Variants in PRDM10 observed in about 807,000 individuals in gnomAD.
The protein encoded by PRDM10 is PR domain zinc finger protein 10.
In PRDM10, 65 loss-of-function variants were observed where a neutral mutation model predicts 133.1. The observed-to-expected ratio is 0.49, with a 90% CI of 0.40 to 0.60. The LOEUF is 0.60. Among genes scored for constraint, PRDM10 ranks in the 20% least tolerant of loss-of-function variants. PRDM10 has a pLI of 0.00. For synonymous variants in PRDM10, 582 were observed against 580.4 expected (o/e 1.00, Z -0.04); for missense variants, 1,137 against 1,507.1 (o/e 0.75, Z 4.07).
chr11:129,953,119 A>C (rs1951620385), intron 4 of PRDM10, among the ~76,000 whole-genome samples: 1 of 151,800 alleles, frequency 6.6e-6, no homozygotes, highest in African/African-American at 2.4e-5. Flanking sequence ...CTAGGATTAC[A>C]GGTGCCCACC....
At chr11:129,946,269 C>A (rs919386370) in intron 5 of PRDM10, among the ~76,000 whole-genome samples, 4 of 151,382 alleles carry the variant, frequency 2.6e-5, no homozygotes, top group African/African-American at 9.7e-5. Flanking sequence ...GAAAAAAAAA[C>A]AAAAACAAAC....
chr11:129,925,360 A>C (rs1027217894), intron 11 of PRDM10, 131 bp from the exon 12 acceptor site: 14 of 847,772 alleles, frequency 1.7e-5, no homozygotes, highest in Non-Finnish European at 2.3e-5. Context: ...TCTAGGACAC[A>C]CACAGTTGAA....
At chr11:129,936,657 A>AC (rs1951042734) in intron 8 of PRDM10, among the ~76,000 whole-genome samples, 1 of 152,132 alleles carries the variant, frequency 6.6e-6, no homozygotes, top group Admixed American at 6.5e-5. Context: ...CATTTCAAAA[A>AC]AAAAAAAGAA....
chr11:129,920,301 C>T (rs1031784090), intron 13 of PRDM10, among the ~76,000 whole-genome samples: 13 of 152,280 alleles, frequency 8.5e-5, no homozygotes, highest in African/African-American at 2.9e-4. Flanking sequence ...ATCCCCCAAA[C>T]CAAATCCGCT....
At chr11:129,910,739 CAG>C (rs1950163913) in intron 18 of PRDM10, 83 bp from the exon 19 acceptor site, 1 of 1,209,952 alleles carries the variant, frequency 8.3e-7, no homozygotes, top group Non-Finnish European at 1.1e-6. Context: ...GGAAGTACAC[CAG>C]ACTCATATGA....
At chr11:129,949,820 G>A (rs1282828677) in intron 4 of PRDM10, among the ~76,000 whole-genome samples, 2 of 151,950 alleles carry the variant, frequency 1.3e-5, no homozygotes, top group Admixed American at 1.3e-4. Flanking sequence ...TGTAATCCCA[G>A]CTACTCGGGA....
intron 4 of PRDM10, among the ~76,000 whole-genome samples, chr11:129,951,033 T>C (rs1951568501): frequency 6.6e-6 from 1 of 152,220 alleles, no homozygotes; most frequent in Admixed American, 6.5e-5. Flanking sequence ...GGAGTTTGGA[T>C]ATTTACCAGA....
intron 11 of PRDM10, among the ~76,000 whole-genome samples, chr11:129,927,136 C>T (rs1264521481): frequency 6.5e-5 from 8 of 123,270 alleles, no homozygotes; most frequent in African/African-American, 9.0e-5. Flanking sequence ...AGGAGAATCG[C>T]TTGAACCTGG....
At chr11:129,928,901 A>C (rs1290058289) in intron 11 of PRDM10, among the ~76,000 whole-genome samples, 2 of 152,130 alleles carry the variant, frequency 1.3e-5, no homozygotes, top group East Asian at 1.9e-4. Context: ...TCATTCTCTG[A>C]AACAGTCTAC....
intron 1 of PRDM10, among the ~76,000 whole-genome samples, chr11:129,963,386 G>A (rs61913717): frequency 0.13 from 11,886 of 92,768 alleles, 1,406 homozygotes; most frequent in African/African-American, 0.34. Context: ...AAAAAAGAGA[G>A]AAGAGAAGAG....
intron 18 of PRDM10, among the ~76,000 whole-genome samples, chr11:129,911,341 C>T (rs1950181484): frequency 6.6e-6 from 1 of 152,166 alleles, no homozygotes; most frequent in Non-Finnish European, 1.5e-5. Flanking sequence ...CAAAGTTCAT[C>T]GTTTCCATTC....
chr11:129,938,505 T>C (rs558267232), intron 7 of PRDM10, among the ~76,000 whole-genome samples: 1 of 152,238 alleles, frequency 6.6e-6, no homozygotes, highest in African/African-American at 2.4e-5. Flanking sequence ...CTCCCTCGAT[T>C]GTTCTCCATC....
intron 1 of PRDM10, among the ~76,000 whole-genome samples, chr11:129,991,843 C>T (rs979668445): frequency 5.9e-4 from 88 of 149,956 alleles, no homozygotes; most frequent in Non-Finnish European, 5.9e-4. Flanking sequence ...AAGTAACCGG[C>T]CTGGTGGCGG....
chr11:129,996,766 C>T (rs1277709204), intron 1 of PRDM10, among the ~76,000 whole-genome samples: 1 of 152,086 alleles, frequency 6.6e-6, no homozygotes, highest in Non-Finnish European at 1.5e-5. Context: ...ACCGAAGTGG[C>T]GGTTCCAAAA....
In PRDM10 at chr11:129,947,332, G is replaced by T. The variant is rs754839609; in HGVS notation, c.333C>A (p.Ile111=). The change falls in exon 5 of 21, where the codon ATC becomes ATA. Residue 111 remains isoleucine, a synonymous_variant. Transcript: ENST00000360871. This position sits in a 1 kb window ranked among gnomAD's most constrained non-coding sequence, Gnocchi z 4.6. ...AAGGGTCGGACCCATCTACACTCTC[G>T]ATGGAAGGCAGCACCTGGTTATGAA... ...LPVHNQVLPS[I]ESVDGSDPLA... 9 of 1,614,182 alleles carry T rather than the reference G, an allele frequency of 5.6e-6. No individual in the cohort carries two copies. The East Asian group carries it at 2.0e-4, about 36-fold the overall frequency.
At position 129,917,258 on chromosome 11, in the gene PRDM10, C is replaced by G. The variant is rs1188507060; in HGVS notation, c.2215-21G>C. 4 of 1,568,576 alleles carry G rather than the reference C, an allele frequency of 2.6e-6. No homozygotes were observed. The African/African-American group carries it at 4.1e-5, about 16-fold the overall frequency. ...TTTACCTAAAGGGAAAAGAAAGAAC[C>G]AATGAGAAAAAGAGACCCCATTAAC... On this transcript the variant is annotated intron_variant, in intron 14 of 20. Transcript: ENST00000360871.
rs1950585949 is a variant in PRDM10 at position 129,923,672 on chromosome 11, G to GAGAGAA, written c.1879-270_1879-269insTTCTCT. 6.6e-6 allele frequency among the ~76,000 whole-genome samples: 1 copy of GAGAGAA among 151,198 alleles called. No homozygotes were observed. On this transcript the variant is annotated intron_variant, in intron 12 of 20. Coordinates refer to ENST00000360871, the MANE Select transcript of PRDM10 (RefSeq NM_199437.2). This position sits in a 1 kb window ranked among gnomAD's most constrained non-coding sequence, Gnocchi z 4.4. ...AGAGAGAGAGAGAGAGAGAGAGAGA[G>GAGAGAA]AGAGAGAGAGAGAGAGAGAGAGTGC...
intron 7 of PRDM10, among the ~76,000 whole-genome samples, chr11:129,938,619 A>C (rs1225032948): frequency 6.6e-6 from 1 of 152,224 alleles, no homozygotes; most frequent in Non-Finnish European, 1.5e-5. Context: ...CACAGTAGCC[A>C]GAGTGGTCTC....
intron 1 of PRDM10, among the ~76,000 whole-genome samples, chr11:129,973,988 G>A (rs1937630909): frequency 6.6e-6 from 1 of 152,212 alleles, no homozygotes; most frequent in Non-Finnish European, 1.5e-5. Context: ...GCTCAGCAGT[G>A]CAGAGTGGAG....
Sources: allele counts gnomAD v4.1 joint callset (sites outside exome capture counted in the v4.1 genomes callset), GRCh38; gene constraint gnomAD v4.1.1; non-coding constraint Gnocchi (gnomAD v3.1); transcripts MANE v1.5; gene names NCBI Gene and HGNC (gene_info 2026-07-23, HGNC 2026-07-21).